IMPA2: variants seen among roughly 807,000 people sequenced by gnomAD.
IMPA2 encodes the protein IMP 2.
IMPA2 carries 32 observed loss-of-function variants against 35.1 expected under a neutral mutation model. That is an observed-to-expected ratio of 0.91 (90% confidence interval 0.69 to 1.23). IMPA2 has a LOEUF of 1.23. IMPA2 is among the 50% of genes most tolerant of loss of function. The probability of loss-of-function intolerance (pLI) is 0.00; values close to 1 mark genes in which losing one functional copy is unlikely to be tolerated. For synonymous variants in IMPA2, 135 were observed against 160.6 expected, an observed-to-expected ratio of 0.84 and a Z score of 1.20; for missense variants, 334 against 387.6, an observed-to-expected ratio of 0.86 and a Z score of 1.16.
intron 1 of IMPA2, among the ~76,000 whole-genome samples, chr18:11,992,357 G>A (rs1188156298): frequency 2.0e-5 from 3 of 152,210 alleles, no homozygotes; most frequent in Non-Finnish European, 2.9e-5. Context: ...GCAAGGCTCC[G>A]GCGTGCTGCT....
At position 12,016,567 on chromosome 18, in the gene IMPA2, G is replaced by A. The variant is rs189508262; in HGVS notation, c.490+2194G>A. 2.8e-4 allele frequency among the ~76,000 whole-genome samples: 43 copies of A among 152,050 alleles called. No individual in the cohort carries two copies. In the East Asian group the frequency reaches 7.4e-3, roughly 26 times the overall value. Reference sequence around the variant, plus strand: ...CCCAAGCAGCTGGGATTACAGGTGCGCACCACCACACCTGACTAATTTTGT... The same window carrying A: ...CCCAAGCAGCTGGGATTACAGGTGCACACCACCACACCTGACTAATTTTGT... On this transcript the variant is annotated intron_variant, in intron 5 of 7. Coordinates refer to ENST00000269159, the MANE Select transcript of IMPA2 (RefSeq NM_014214.3).
chr18:11,994,856 T>C (rs1906915845), intron 1 of IMPA2: 1 of 152,392 alleles, frequency 6.6e-6, no homozygotes, highest in Non-Finnish European at 1.5e-5. Context: ...TGGTGGCTTG[T>C]GTAAGTGCTG....
intron 1 of IMPA2, among the ~76,000 whole-genome samples, chr18:11,985,872 C>T (rs575209308): frequency 9.2e-5 from 14 of 152,322 alleles, no homozygotes; most frequent in East Asian, 3.9e-4. Context: ...GCTGTATCCA[C>T]GCCAGTGCCA....
chr18:12,022,818 A>G (rs2143821668), intron 5 of IMPA2, among the ~76,000 whole-genome samples: 1 of 149,476 alleles, frequency 6.7e-6, no homozygotes, highest in East Asian at 2.0e-4. Flanking sequence ...TCAGTTGCCC[A>G]GGCTAGAGTG....
chr18:11,981,787 G>T (rs1419407426), intron 1 of IMPA2, 22 bp downstream of exon 1: 19 of 1,217,412 alleles, frequency 1.6e-5, no homozygotes, highest in Non-Finnish European at 1.8e-5. Context: ...GGCTGGGCTC[G>T]GAAGTCCGGG....
rs144280347 is a variant in IMPA2 at position 11,992,129 on chromosome 18, A to G, written c.97-6925A>G. Among the ~76,000 whole-genome samples, 3 of 152,378 alleles carry G rather than the reference A, an allele frequency of 2.0e-5. No individual in the cohort carries two copies. In the East Asian group the frequency reaches 5.8e-4, roughly 29 times the overall value. On this transcript the variant is annotated intron_variant, in intron 1 of 7. Transcript: ENST00000269159. ...AGTGCTGGGATTACAGGCATGAGCC[A>G]CCACGCCTAGCCCAGAACAATGTCT...
intron 6 of IMPA2, 103 bp from the exon 7 acceptor site, chr18:12,028,739 A>G: frequency 7.6e-7 from 1 of 1,322,400 alleles, no homozygotes; most frequent in South Asian, 1.4e-5. Context: ...TTCATTTTTC[A>G]CTAGGGAAAA....
rs2143767394 is a variant in IMPA2 at position 11,981,772 on chromosome 18, G to A, written c.96+7G>A. 1.6e-6 allele frequency: 2 copies of A among 1,224,574 alleles called. No individual in the cohort carries two copies. Among genetic ancestry groups the A allele is most frequent in the Admixed American group, 8.5e-5 (2 of 23,546 alleles). 75.9% of individuals were successfully genotyped at this position (1,224,574 alleles called of 1,614,324 possible). ...GGCGCTGCGGGCAGGACAGGTGAGC[G>A]CCACGGCTGGGCTCGGAAGTCCGGG... is the stretch of plus-strand genomic sequence containing the variant. On this transcript the variant is annotated splice_region_variant and intron_variant, in intron 1 of 7. Transcript: ENST00000269159.
intron 6 of IMPA2, 113 bp downstream of exon 6, chr18:12,028,264 A>C (rs1029874155): frequency 5.7e-6 from 4 of 704,058 alleles, no homozygotes; most frequent in African/African-American, 5.3e-5. Flanking sequence ...AAAGAGTGGG[A>C]GGGGCACATG....
chr18:12,027,446 A>G (rs1208962364), intron 5 of IMPA2, among the ~76,000 whole-genome samples: 1 of 152,146 alleles, frequency 6.6e-6, no homozygotes, highest in Non-Finnish European at 1.5e-5. Context: ...CTCCAAGAAA[A>G]TGGTATTTCT....
Position 11,981,509 on chromosome 18 carries a change from C to A in IMPA2, c.-161C>A. The A allele has an allele frequency of 4.6e-6, 2 of 433,484 alleles. No individual in the cohort carries two copies. Among genetic ancestry groups the A allele is most frequent in the Admixed American group, 4.5e-5 (1 of 22,380 alleles). 26.9% of individuals were successfully genotyped at this position (433,484 alleles called of 1,614,324 possible). Reference sequence around the variant, plus strand: ...CACGGCTCCCGCGGCCCGCTGGCTGCCCTTCCCGCCAGCGCAGGTGTGGGA... The same window carrying A: ...CACGGCTCCCGCGGCCCGCTGGCTGACCTTCCCGCCAGCGCAGGTGTGGGA... On this transcript the variant is annotated 5_prime_UTR_variant, in exon 1 of 8. Coordinates refer to ENST00000269159, the MANE Select transcript of IMPA2 (RefSeq NM_014214.3).
rs768339654 is a variant in IMPA2 at position 12,029,004 on chromosome 18, C to T, written c.751+11C>T. ...TGATAGACACTTCGGGTGAGCTCTCCTGTCCCTGAAATGCAGCGGCAGAAA... is the reference window on the plus strand; with the variant it reads ...TGATAGACACTTCGGGTGAGCTCTCTTGTCCCTGAAATGCAGCGGCAGAAA... On this transcript the variant is annotated intron_variant, in intron 7 of 7. Transcript: ENST00000269159. 4.3e-6 allele frequency: 7 copies of T among 1,611,290 alleles called. No individual in the cohort carries two copies. The highest frequency in any genetic ancestry group is 1.7e-5 in the Admixed American group (1 of 59,930).
rs190642441 is a variant in IMPA2, at chr18:12,023,073, G to A, written c.491-4970G>A. On this transcript the variant is annotated intron_variant, in intron 5 of 7. Transcript: ENST00000269159. ...GCCTCCTAAAGTGCTGGGATTACAGGCATGAGCCACTGCACCCAGCCTATA... is the reference window on the plus strand; with the variant it reads ...GCCTCCTAAAGTGCTGGGATTACAGACATGAGCCACTGCACCCAGCCTATA... Among the ~76,000 whole-genome samples the A allele has an allele frequency of 2.2e-3, 340 of 151,168 alleles. 1 individual carries two copies. The highest frequency in any genetic ancestry group is 8.0e-3 in the African/African-American group (328 of 41,178).
rs1340763119 is a variant in IMPA2 at position 12,003,670 on chromosome 18, GGA to G, written c.230+4484_230+4485del. On this transcript the variant is annotated intron_variant, in intron 2 of 7. Transcript: ENST00000269159. The stretch of plus-strand genomic sequence containing the variant: ...CATCTTAAAAAAAAAAAAAAGAAAA[GGA>G]AAAAAAAAAAAAAAGGCAGCATGGT... Among the ~76,000 whole-genome samples the G allele has an allele frequency of 1.0e-3, 83 of 80,760 alleles. 2 individuals are homozygous for G. The highest frequency in any genetic ancestry group is 7.9e-3 in the South Asian group (23 of 2,922). The allele number at this position is 80,760 out of a possible 152,430, so 53.0% of individuals were successfully genotyped here.
intron 1 of IMPA2, among the ~76,000 whole-genome samples, chr18:11,987,478 G>GCC (rs1906699684): frequency 6.6e-6 from 1 of 152,132 alleles, no homozygotes; most frequent in Non-Finnish European, 1.5e-5. Context: ...CTACAGGCAT[G>GCC]CGCCACCATG....
chr18:12,014,612 C>T (rs538430029), intron 5 of IMPA2, among the ~76,000 whole-genome samples: 10 of 152,232 alleles, frequency 6.6e-5, no homozygotes, highest in African/African-American at 2.4e-4. Flanking sequence ...CATCCCTCAT[C>T]TTTCAGGCTA....
chr18:12,028,862 C>G lies in IMPA2; in HGVS notation c.620C>G (p.Ser207Cys), dbSNP rs780040602. 1 of 1,614,166 alleles carries G rather than the reference C, an allele frequency of 6.2e-7. No individual in the cohort carries two copies. The highest frequency in any genetic ancestry group is 8.5e-7 in the Non-Finnish European group (1 of 1,180,024). ...KAHGVRVIGS[S>C]TLALCHLASG... ...CCCAGGGTCCGAGTGATTGGAAGCT[C>G]CACATTGGCACTCTGCCACCTGGCC... Residue 207 changes from serine (S) to cysteine (C), a missense_variant, in exon 7 of 8, where the codon TCC becomes TGC. Coordinates refer to ENST00000269159, the MANE Select transcript of IMPA2 (RefSeq NM_014214.3).
At chr18:12,029,807 C>T (rs532619810) in intron 7 of IMPA2, among the ~76,000 whole-genome samples, 2 of 152,352 alleles carry the variant, frequency 1.3e-5, no homozygotes, top group Admixed American at 1.3e-4. Flanking sequence ...GGTCTCCAGC[C>T]CATGCATCCA....
At chr18:11,992,918 A>G (rs1036640191) in intron 1 of IMPA2, among the ~76,000 whole-genome samples, 4 of 152,182 alleles carry the variant, frequency 2.6e-5, no homozygotes, top group Non-Finnish European at 5.9e-5. Context: ...TTTTTCTCTT[A>G]GCATAGGACA....
Sources: allele counts gnomAD v4.1 joint callset (sites outside exome capture counted in the v4.1 genomes callset), GRCh38; gene constraint gnomAD v4.1.1; transcripts MANE v1.5; gene names NCBI Gene and HGNC (gene_info 2026-07-23, HGNC 2026-07-21).